PPM1M: variants seen among roughly 807,000 people sequenced by gnomAD.
PPM1M encodes protein phosphatase 1M.
A neutral mutation model predicts 50.8 loss-of-function variants in PPM1M; 44 were observed. The ratio of observed to expected loss-of-function variants is 0.87; its 90% CI spans 0.68 to 1.11. The LOEUF (loss-of-function observed/expected upper bound fraction) is 1.11. Among genes scored for constraint, PPM1M ranks in the 50% most tolerant of loss-of-function variants. The pLI, the probability that PPM1M is intolerant of heterozygous loss-of-function variation, is 0.00. For synonymous variants in PPM1M, 224 were observed against 242.9 expected (o/e 0.92, Z 0.72); for missense variants, 556 against 593.4 (o/e 0.94, Z 0.66).
At position 52,245,932 on chromosome 3, in the gene PPM1M, C is replaced by T; in HGVS notation, c.108C>T (p.Phe36=). The T allele has an allele frequency of 6.4e-6, 8 of 1,241,026 alleles. No homozygotes were observed. The highest frequency in any genetic ancestry group is 8.3e-6 in the Non-Finnish European group (8 of 966,868). 76.9% of individuals were successfully genotyped at this position (1,241,026 alleles called of 1,614,324 possible). ...ASPVPYRRPR[F]LRGSSSSPGA... ...CCGTGCCCTACCGACGGCCCCGCTT[C>T]CTTCGCGGCTCCAGCTCCAGCCCCG... Residue 36 remains phenylalanine, a synonymous_variant, in exon 1 of 10, where the codon TTC becomes TTT. Transcript: ENST00000323588. This position sits in a 1 kb window ranked among gnomAD's most constrained non-coding sequence, Gnocchi z 4.8.
intron 4 of PPM1M, 79 bp from the exon 5 acceptor site, chr3:52,248,074 A>G: frequency 1.6e-6 from 2 of 1,223,696 alleles, no homozygotes; most frequent in Non-Finnish European, 2.4e-6. Context: ...TGGTGGTTGG[A>G]GGAGGGACTG....
chr3:52,247,698 G>A lies in PPM1M; in HGVS notation c.614G>A (p.Arg205Gln), dbSNP rs771850313. Residue 205 changes from arginine to glutamine, a missense_variant, in exon 4 of 10, where the codon CGG (arginine) becomes CAG (glutamine). Transcript: ENST00000323588. ...AFQECDEVIG[R>Q]ELEASGQMGG... The stretch of plus-strand genomic sequence containing the variant: ...TTTCCCCAGGATGAGGTGATCGGGC[G>A]GGAGCTGGAGGCCTCAGGCCAGATG... The A allele has an allele frequency of 2.0e-5, 32 of 1,602,032 alleles. No individual in the cohort carries two copies. The South Asian group carries it at 2.5e-4, about 12-fold the overall frequency.
Position 52,246,783 on chromosome 3 carries a change from G to T in PPM1M, c.313G>T (p.Glu105Ter). The T allele has an allele frequency of 7.3e-7, 1 of 1,370,542 alleles. No individual in the cohort carries two copies. The allele number at this position is 1,370,542 out of a possible 1,614,324, so 84.9% of individuals were successfully genotyped here. The stretch of plus-strand genomic sequence containing the variant: ...CCGGAGATGTGAGTTTGGGGCTGAA[G>T]AAGAGTGGCTGACCCTGTGCCCAGA... ...CIRRCEFGAE[E>*]EWLTLCPEEF... Residue 105 changes from glutamate to a stop codon, truncating the protein, a stop_gained, in exon 2 of 10, where the codon GAA becomes TAA. Transcript: ENST00000323588. LOFTEE classifies it high-confidence loss of function.
chr3:52,246,365 C>T, intron 1 of PPM1M: 1 of 1,053,336 alleles, frequency 9.5e-7, no homozygotes. Flanking sequence ...CCCTCTACCC[C>T]CACCATCTCA....
Position 52,245,776 on chromosome 3 carries a change from C to G in PPM1M, c.-49C>G. ...GCCCGCTTCTTCCTCCCGCGGGCGGCCCAGCCCTAGCGCCCCGCGCTCCGC... is the reference window on the plus strand; with the variant it reads ...GCCCGCTTCTTCCTCCCGCGGGCGGGCCAGCCCTAGCGCCCCGCGCTCCGC... On this transcript the variant is annotated 5_prime_UTR_variant, in exon 1 of 10. Coordinates refer to ENST00000323588, the MANE Select transcript of PPM1M (RefSeq NM_144641.4). The surrounding 1 kb of genome is among the most constrained non-coding windows in gnomAD (Gnocchi z 4.8). 2 of 931,422 alleles carry G rather than the reference C, an allele frequency of 2.1e-6. No individual in the cohort carries two copies. The highest frequency in any genetic ancestry group is 2.6e-6 in the Non-Finnish European group (2 of 781,644). 57.7% of individuals were successfully genotyped at this position (931,422 alleles called of 1,614,324 possible). A position where few individuals can be genotyped will look rare whatever the true frequency, so the allele number is the denominator to read the frequency against.
intron 6 of PPM1M, 37 bp from the exon 7 acceptor site, chr3:52,248,600 A>G (rs765291075): frequency 1.2e-6 from 2 of 1,611,404 alleles, no homozygotes; most frequent in Non-Finnish European, 1.7e-6. Context: ...GAGATGGGGC[A>G]CAGGGCTTGG....
In PPM1M at chr3:52,245,790, C is replaced by T; in HGVS notation, c.-35C>T. Reference sequence around the variant, plus strand: ...CCCGCGGGCGGCCCAGCCCTAGCGCCCCGCGCTCCGCGGGCAGCCCCCTGC... The same window carrying T: ...CCCGCGGGCGGCCCAGCCCTAGCGCTCCGCGCTCCGCGGGCAGCCCCCTGC... On this transcript the variant is annotated 5_prime_UTR_variant, in exon 1 of 10. Coordinates refer to ENST00000323588, the MANE Select transcript of PPM1M (RefSeq NM_144641.4). The surrounding 1 kb of genome is among the most constrained non-coding windows in gnomAD (Gnocchi z 4.8). 6.1e-6 allele frequency: 6 copies of T among 981,586 alleles called. No individual in the cohort carries two copies. The highest frequency in any genetic ancestry group is 7.3e-6 in the Non-Finnish European group (6 of 826,148). The allele number at this position is 981,586 out of a possible 1,614,324, so 60.8% of individuals were successfully genotyped here.
At chr3:52,247,334 T>C in intron 3 of PPM1M, 106 bp downstream of exon 3, 2 of 1,454,160 alleles carry the variant, frequency 1.4e-6, no homozygotes, top group Non-Finnish European at 1.8e-6. Context: ...ATCCTTGGAT[T>C]GGGAGGATGA....
chr3:52,250,360 G>C lies in PPM1M; in HGVS notation c.*546G>C. 1 of 155,524 alleles carries C rather than the reference G, an allele frequency of 6.4e-6. No individual in the cohort carries two copies. The highest frequency in any genetic ancestry group is 1.9e-4 in the East Asian group (1 of 5,308). The allele number at this position is 155,524 out of a possible 1,614,324, so 9.6% of individuals were successfully genotyped here. On this transcript the variant is annotated 3_prime_UTR_variant, in exon 10 of 10. Transcript: ENST00000323588. ...AGACCAGTTCAGGTCCTGCCCTGCTGTTCTTTGCTGGAGATGAGGAACAGG... is the reference window on the plus strand; with the variant it reads ...AGACCAGTTCAGGTCCTGCCCTGCTCTTCTTTGCTGGAGATGAGGAACAGG...
In PPM1M at chr3:52,245,949, C is replaced by G. The variant is rs1244389244; in HGVS notation, c.125C>G (p.Ser42Cys). The G allele has an allele frequency of 5.6e-6, 7 of 1,248,140 alleles. No homozygotes were observed. The highest frequency in any genetic ancestry group is 1.3e-5 in the South Asian group (1 of 76,220). The allele number at this position is 1,248,140 out of a possible 1,614,324, so 77.3% of individuals were successfully genotyped here. A position where few individuals can be genotyped will look rare whatever the true frequency, so the allele number is the denominator to read the frequency against. ...CCCCGCTTCCTTCGCGGCTCCAGCT[C>G]CAGCCCCGGGGCGGCCGACGCCTCG... ...RRPRFLRGSS[S>C]SPGAADASRR... Residue 42 changes from serine (S) to cysteine (C), a missense_variant, in exon 1 of 10, where the codon TCC becomes TGC. Ser to Cys is a moderately radical substitution (Grantham distance 112). Coordinates refer to ENST00000323588, the MANE Select transcript of PPM1M (RefSeq NM_144641.4). This position sits in a 1 kb window ranked among gnomAD's most constrained non-coding sequence, Gnocchi z 4.8.
chr3:52,248,593 AT>A, intron 6 of PPM1M, 43 bp from the exon 7 acceptor site: 1 of 1,608,502 alleles, frequency 6.2e-7, no homozygotes. Context: ...GAAAGATGAG[AT>A]GGGGCACAGG....
chr3:52,246,631 G>A (rs1699860796), intron 1 of PPM1M, 64 bp from the exon 2 acceptor site: 1 of 1,095,584 alleles, frequency 9.1e-7, no homozygotes, highest in Non-Finnish European at 1.2e-6. Flanking sequence ...GCTGGCTTGG[G>A]TCCCTGTGCC....
intron 6 of PPM1M, 59 bp from the exon 7 acceptor site, chr3:52,248,578 T>C (rs530607812): frequency 2.5e-6 from 4 of 1,602,394 alleles, no homozygotes; most frequent in African/African-American, 2.7e-5. Context: ...GGGCCCTGAG[T>C]TGGGGAAAGA....
rs1323367989 is a variant in PPM1M at position 52,248,817 on chromosome 3, A to G, written c.978+117A>G. ...CTGGTGGCCTGGGATTTGCTCTGAG[A>G]CTAGGAATTTTCTCTCTCAGTCCAA... On this transcript the variant is annotated intron_variant, in intron 7 of 9. Coordinates refer to ENST00000323588, the MANE Select transcript of PPM1M (RefSeq NM_144641.4). 1.4e-5 allele frequency: 19 copies of G among 1,340,592 alleles called. No individual in the cohort carries two copies. In the East Asian group the frequency reaches 3.0e-4, roughly 21 times the overall value. 83.0% of individuals were successfully genotyped at this position (1,340,592 alleles called of 1,614,324 possible).
rs1287214641 is a variant in PPM1M at position 52,249,657 on chromosome 3, A to G, written c.1236-13A>G. The G allele has an allele frequency of 6.2e-7, 1 of 1,613,542 alleles. No individual in the cohort carries two copies. Among genetic ancestry groups the G allele is most frequent in the African/African-American group, 1.3e-5 (1 of 75,014 alleles). On this transcript the variant is annotated splice_polypyrimidine_tract_variant and intron_variant, in intron 9 of 9. Transcript: ENST00000323588. ...TCTGCCCCTGAAGTCTATCTGCAGG[A>G]TGGTCTTCACAGGTTCTCAAAGCTG...
chr3:52,248,459 T>C lies in PPM1M; in HGVS notation c.914+6T>C. 1.9e-6 allele frequency: 3 copies of C among 1,609,728 alleles called. No individual in the cohort carries two copies. The highest frequency in any genetic ancestry group is 2.5e-6 in the Non-Finnish European group (3 of 1,177,424). On this transcript the variant is annotated splice_donor_region_variant and intron_variant, in intron 6 of 9. Transcript: ENST00000323588. ...GATCACCACATGAGTGGCTGGTGAG[T>C]GGGGATGGGGGACAGGTAGGAAGGG...
intron 4 of PPM1M, 27 bp downstream of exon 4, chr3:52,247,821 A>C: frequency 2.0e-6 from 1 of 497,558 alleles, no homozygotes; most frequent in Non-Finnish European, 4.1e-6. Context: ...AGGGTGGGCA[A>C]GGGTGGGATG....
chr3:52,246,702 A>C lies in PPM1M; in HGVS notation c.232A>C (p.Asn78His). Residue 78 changes from asparagine (N) to histidine (H), a missense_variant, in exon 2 of 10, where the codon AAT (asparagine) becomes CAT (histidine). Transcript: ENST00000323588. ...ACCATTTCCCGGCCTCAGGATTATC[A>C]ATGCAGAGAAATCTGAATTCAATGA... ...PWNAGYAEII[N>H]AEKSEFNEDQ... is the part of the protein sequence containing the mutation. 2 of 1,307,540 alleles carry C rather than the reference A, an allele frequency of 1.5e-6. No homozygotes were observed. Among genetic ancestry groups the C allele is most frequent in the Non-Finnish European group, 2.0e-6 (2 of 991,048 alleles). The allele number at this position is 1,307,540 out of a possible 1,614,324, so 81.0% of individuals were successfully genotyped here. A position where few individuals can be genotyped will look rare whatever the true frequency, so the allele number is the denominator to read the frequency against.
At chr3:52,247,499 T>C in intron 3 of PPM1M, 183 bp from the exon 4 acceptor site, 1 of 656,736 alleles carries the variant, frequency 1.5e-6, no homozygotes, top group Non-Finnish European at 2.6e-6. Flanking sequence ...TCTTCCTATT[T>C]TGAGTAGCAC....
Sources: allele counts gnomAD v4.1 joint callset, GRCh38; gene constraint gnomAD v4.1.1; non-coding constraint Gnocchi (gnomAD v3.1); transcripts MANE v1.5; gene names NCBI Gene and HGNC (gene_info 2026-07-23, HGNC 2026-07-21).